The following ZNF521 variants were observed in gnomAD, a reference collection of about 807,000 sequenced individuals.
The protein encoded by ZNF521 is zinc finger protein 521.
Under a neutral mutation model 105.5 loss-of-function variants are expected in ZNF521, and 14 were observed. That is an observed-to-expected ratio of 0.13 (90% confidence interval 0.09 to 0.21). ZNF521 has a LOEUF of 0.21. Ranked by LOEUF, ZNF521 falls within the 10% of genes least tolerant of loss-of-function variation. ZNF521 has a pLI of 1.00. For synonymous variants in ZNF521, 635 were observed against 606.0 expected, an observed-to-expected ratio of 1.05 and a Z score of -0.70; for missense variants, 1,233 against 1,629.7, an observed-to-expected ratio of 0.76 and a Z score of 4.19.
chr18:25,106,591 C>G (rs969359834), intron 5 of ZNF521, among the ~76,000 whole-genome samples: 1 of 152,112 alleles, frequency 6.6e-6, no homozygotes, highest in African/African-American at 2.4e-5. Flanking sequence ...TAAAATGCTT[C>G]TACTGTGTGT....
chr18:25,221,367 C>T (rs1030982646), intron 4 of ZNF521, among the ~76,000 whole-genome samples: 3 of 152,082 alleles, frequency 2.0e-5, no homozygotes, highest in Non-Finnish European at 4.4e-5. Context: ...AAGTTTAAAT[C>T]CCTTTTAATT....
intron 3 of ZNF521, among the ~76,000 whole-genome samples, chr18:25,247,532 T>A (rs1196652829): frequency 2.0e-5 from 3 of 152,226 alleles, no homozygotes. Flanking sequence ...GAAATTCTTA[T>A]CGCATTGGAC....
chr18:25,108,931 T>A (rs2144289184), intron 5 of ZNF521, among the ~76,000 whole-genome samples: 2 of 152,298 alleles, frequency 1.3e-5, no homozygotes, highest in East Asian at 3.9e-4. Flanking sequence ...GGCTAGATTT[T>A]AAAAATTAAT....
At chr18:25,102,290 A>G (rs2033982069) in intron 5 of ZNF521, among the ~76,000 whole-genome samples, 3 of 152,248 alleles carry the variant, frequency 2.0e-5, no homozygotes, top group African/African-American at 7.2e-5. Flanking sequence ...AGACATTCTA[A>G]TAAATACCTC....
intron 5 of ZNF521, among the ~76,000 whole-genome samples, chr18:25,139,089 C>T (rs1439278285): frequency 7.9e-5 from 12 of 151,898 alleles, no homozygotes; most frequent in South Asian, 2.1e-4. Flanking sequence ...TGCAAAAAGA[C>T]GCTGGGCACG....
At chr18:25,221,598 T>C (rs1246251249) in intron 4 of ZNF521, among the ~76,000 whole-genome samples, 1 of 152,210 alleles carries the variant, frequency 6.6e-6, no homozygotes, top group Non-Finnish European at 1.5e-5. Flanking sequence ...AAATACCACC[T>C]ATGTTGCTAA....
intron 5 of ZNF521, among the ~76,000 whole-genome samples, chr18:25,180,991 A>G (rs1431950087): frequency 6.6e-6 from 1 of 152,146 alleles, no homozygotes; most frequent in Non-Finnish European, 1.5e-5. Flanking sequence ...TCCCTATTTC[A>G]GCAGGTTTAC....
chr18:25,343,385 A>T (rs1183060551), intron 2 of ZNF521, among the ~76,000 whole-genome samples: 1 of 152,230 alleles, frequency 6.6e-6, no homozygotes, highest in Non-Finnish European at 1.5e-5. Context: ...TGGACTTACT[A>T]AACAAAGTGC....
Position 25,335,812 on chromosome 18 carries a change from C to T in ZNF521, c.41-13625G>A, listed in dbSNP as rs188172562. On this transcript the variant is annotated intron_variant, in intron 2 of 7. Coordinates refer to ENST00000361524, the MANE Select transcript of ZNF521 (RefSeq NM_015461.3). ...AAGTTAAAAGAAAAGATAGTGTCTA[C>T]GAAGAGTATCACCGGACAAGTGAAT... 1.3e-4 allele frequency among the ~76,000 whole-genome samples: 20 copies of T among 152,238 alleles called. No homozygotes were observed. In the East Asian group the frequency reaches 3.9e-3, roughly 29 times the overall value.
At chr18:25,086,377 T>C (rs1196390004) in intron 7 of ZNF521, among the ~76,000 whole-genome samples, 1 of 152,066 alleles carries the variant, frequency 6.6e-6, no homozygotes, top group Non-Finnish European at 1.5e-5. Context: ...ATTTGGGTAA[T>C]GAAAGCAAAT....
In ZNF521 at chr18:25,095,169, G is replaced by A. The variant is rs57569398; in HGVS notation, c.3659-3088C>T. On this transcript the variant is annotated intron_variant, in intron 5 of 7. Transcript: ENST00000361524. ...CCCCTATCTGGTATAAGGTAGTAAAGAACAGTAAATGTAACTGCTGTTTTA... is the reference window on the plus strand; with the variant it reads ...CCCCTATCTGGTATAAGGTAGTAAAAAACAGTAAATGTAACTGCTGTTTTA... 5.4e-3 allele frequency among the ~76,000 whole-genome samples: 816 copies of A among 152,184 alleles called. 12 individuals are homozygous for A. Among genetic ancestry groups the A allele is most frequent in the African/African-American group, 0.019 (793 of 41,540 alleles).
chr18:25,153,061 A>T (rs1567984980), intron 5 of ZNF521, among the ~76,000 whole-genome samples: 2 of 152,200 alleles, frequency 1.3e-5, no homozygotes, highest in Admixed American at 6.5e-5. Context: ...TGAAACAGCT[A>T]GGTTTAAGGT....
intron 3 of ZNF521, among the ~76,000 whole-genome samples, chr18:25,292,484 T>C (rs1185549869): frequency 6.6e-6 from 1 of 152,176 alleles, no homozygotes; most frequent in Admixed American, 6.5e-5. Flanking sequence ...CAGAGCTTTT[T>C]TGTAACATCA....
At chr18:25,342,283 C>G (rs902887605) in intron 2 of ZNF521, among the ~76,000 whole-genome samples, 1 of 152,188 alleles carries the variant, frequency 6.6e-6, no homozygotes, top group African/African-American at 2.4e-5. Context: ...CCCAAACCCC[C>G]CTATGTATAG....
intron 5 of ZNF521, among the ~76,000 whole-genome samples, chr18:25,191,237 C>A (rs1380626947): frequency 6.6e-6 from 1 of 152,022 alleles, no homozygotes. Context: ...AAAAAATAAT[C>A]CTTATGTAAA....
chr18:25,146,355 C>G (rs1356318276), intron 5 of ZNF521, among the ~76,000 whole-genome samples: 1 of 152,074 alleles, frequency 6.6e-6, no homozygotes, highest in African/African-American at 2.4e-5. Flanking sequence ...AAAAGACTTG[C>G]TTAATTCTCA....
intron 2 of ZNF521, among the ~76,000 whole-genome samples, chr18:25,334,184 C>T (rs188272574): frequency 7.7e-6 from 1 of 130,438 alleles, no homozygotes; most frequent in East Asian, 2.3e-4. Context: ...TGTCAGGATT[C>T]CACTGCTTTT....
At position 25,263,159 on chromosome 18, in the gene ZNF521, C is replaced by T. The variant is rs1233622264; in HGVS notation, c.221-35462G>A. On this transcript the variant is annotated intron_variant, in intron 3 of 7. Transcript: ENST00000361524. ...AAAACCAAGGTCAGAATGAGTCTCA[C>T]TTAGCCCCAGGACAAAAGTTTATTA... Among the ~76,000 whole-genome samples, 7 of 152,290 alleles carry T rather than the reference C, an allele frequency of 4.6e-5. No individual in the cohort carries two copies. The East Asian group carries it at 1.2e-3, about 25-fold the overall frequency.
chr18:25,288,585 A>AC (rs1192455603), intron 3 of ZNF521, among the ~76,000 whole-genome samples: 1 of 143,060 alleles, frequency 7.0e-6, no homozygotes, highest in Non-Finnish European at 1.5e-5. Flanking sequence ...AAAAAAAAAA[A>AC]CCCAGCTTTG....
Sources: gnomAD v4.1 joint callset for allele counts (sites outside exome capture counted in the v4.1 genomes callset) on GRCh38, gnomAD v4.1.1 for gene constraint, MANE v1.5 for transcripts, NCBI Gene and HGNC (gene_info 2026-07-23, HGNC 2026-07-21) for gene names.